Variants in PAH observed in about 807,000 individuals in gnomAD.
The protein encoded by PAH is phenylalanine-4-hydroxylase.
In PAH, 64 loss-of-function variants were observed where a neutral mutation model predicts 62.0. That is an observed-to-expected ratio of 1.03 (90% CI 0.84 to 1.27). The LOEUF is 1.27. Among genes scored for constraint, PAH ranks in the 50% most tolerant of loss-of-function variants. The probability of loss-of-function intolerance (pLI) is 0.00; values close to 1 mark genes in which losing one functional copy is unlikely to be tolerated. For synonymous variants in PAH, 195 were observed against 196.2 expected (o/e 0.99, Z 0.05); for missense variants, 579 against 542.8 (o/e 1.07, Z -0.66).
intron 4 of PAH, among the ~76,000 whole-genome samples, chr12:102,875,335 A>G (rs143075611): frequency 3.9e-4 from 60 of 152,326 alleles, no homozygotes; most frequent in African/African-American, 1.3e-3. Context: ...ATCTCTTTGC[A>G]TTGGAGTCTT....
chr12:102,846,289 C>T (rs12425434), intron 9 of PAH, among the ~76,000 whole-genome samples: 34,951 of 152,146 alleles, frequency 0.23, 5,126 homozygotes, highest in East Asian at 0.75. Context: ...TGGCAGTCCA[C>T]AATTCAATTA....
At chr12:102,842,421 A>G (rs1260975162) in intron 11 of PAH, among the ~76,000 whole-genome samples, 1 of 152,310 alleles carries the variant, frequency 6.6e-6, no homozygotes, top group East Asian at 1.9e-4. Flanking sequence ...TAATTATCTA[A>G]AGATAGTAGA....
intron 2 of PAH, among the ~76,000 whole-genome samples, chr12:102,911,337 C>A (rs1016949924): frequency 6.6e-6 from 1 of 152,156 alleles, no homozygotes; most frequent in African/African-American, 2.4e-5. Context: ...TTTTGCACTG[C>A]GCCCTGCAAA....
rs1593011638 is a variant in PAH, at chr12:102,957,572, C to T, written c.-96+623G>A. 1 of 137,448 alleles carries T rather than the reference C, an allele frequency of 7.3e-6. No individual in the cohort carries two copies. Among genetic ancestry groups the T allele is most frequent in the Non-Finnish European group, 1.6e-5 (1 of 63,352 alleles). 8.5% of individuals were successfully genotyped at this position (137,448 alleles called of 1,614,324 possible). The stretch of plus-strand genomic sequence containing the variant: ...AGAGGAGGGGGGGGAGTGGGGGCTG[C>T]AGCCGCTCGCTGCAGCAGCGGGGAG... On this transcript the variant is annotated intron_variant, in intron 1 of 4. Coordinates refer to the PAH transcript ENST00000551337. This position sits in a 1 kb window ranked among gnomAD's most constrained non-coding sequence, Gnocchi z 4.1.
rs1302814664 is a variant in PAH at position 102,957,262 on chromosome 12, A to C, written c.-96+933T>G. Among the ~76,000 whole-genome samples, 1 of 152,134 alleles carries C rather than the reference A, an allele frequency of 6.6e-6. No individual in the cohort carries two copies. ...TTGCTTCAAGTTCTTAGTAGAATCC[A>C]AGAGAGCTTCACCCCAAGTCTTTCC... On this transcript the variant is annotated intron_variant, in intron 1 of 4. Coordinates refer to the PAH transcript ENST00000551337. The surrounding 1 kb of genome is among the most constrained non-coding windows in gnomAD (Gnocchi z 4.1).
chr12:102,871,087 T>G (rs553875652), intron 4 of PAH, among the ~76,000 whole-genome samples: 1 of 152,344 alleles, frequency 6.6e-6, no homozygotes, highest in East Asian at 1.9e-4. Context: ...CTGACTATTG[T>G]AGCTGCTGGG....
chr12:102,912,711 C>CTTTTCATTGCA (rs1878246673), intron 2 of PAH, 80 bp downstream of exon 2: 1 of 1,020,478 alleles, frequency 9.8e-7, no homozygotes, highest in African/African-American at 1.6e-5. Flanking sequence ...ATCCTGTGTT[C>CTTTTCATTGCA]TTTTCATTGC....
At chr12:102,850,506 T>C (rs1365323015) in intron 8 of PAH, among the ~76,000 whole-genome samples, 4 of 152,178 alleles carry the variant, frequency 2.6e-5, no homozygotes, top group Non-Finnish European at 5.9e-5. Context: ...GAAATCCCAA[T>C]ACTTGGCTCA....
exon 1 of PAH, chr12:102,950,634 A>G (rs1450715410): frequency 6.6e-6 from 1 of 152,312 alleles, no homozygotes; most frequent in Non-Finnish European, 1.5e-5. Flanking sequence ...AGGCGGCAGG[A>G]ACGTTTCAGG....
intron 1 of PAH, among the ~76,000 whole-genome samples, chr12:102,935,468 G>T (rs1252208853): frequency 1.3e-5 from 2 of 151,944 alleles, no homozygotes; most frequent in Non-Finnish European, 2.9e-5. Flanking sequence ...GAGTAGTATT[G>T]GTATTATCTC....
upstream of PAH, chr12:102,953,189 C>T (rs570208304): frequency 6.6e-6 from 1 of 152,122 alleles, no homozygotes; most frequent in Admixed American, 6.5e-5. Flanking sequence ...CTCAAGTCAC[C>T]CCCAAATTGA....
intron 2 of PAH, among the ~76,000 whole-genome samples, chr12:102,908,465 G>A (rs1385420007): frequency 6.6e-6 from 1 of 152,108 alleles, no homozygotes. Context: ...TCTTTCTCAT[G>A]GACAGTTTGT....
chr12:102,868,126 G>GTGTA (rs1334596674), intron 4 of PAH, among the ~76,000 whole-genome samples: 2 of 6,430 alleles, frequency 3.1e-4, no homozygotes, highest in East Asian at 4.7e-3. Context: ...ACATATATGT[G>GTGTA]TATATATATA....
At chr12:102,897,710 C>T (rs761130289) in intron 2 of PAH, among the ~76,000 whole-genome samples, 1 of 152,060 alleles carries the variant, frequency 6.6e-6, no homozygotes, top group Non-Finnish European at 1.5e-5. Context: ...TCTCAAATGT[C>T]CCTAATTGTA....
At chr12:102,890,702 G>A (rs147339440) in intron 3 of PAH, among the ~76,000 whole-genome samples, 4 of 152,322 alleles carry the variant, frequency 2.6e-5, no homozygotes, top group South Asian at 4.1e-4. Flanking sequence ...GCAAGAAAGC[G>A]AGAAGCCCCA....
intron 1 of PAH, among the ~76,000 whole-genome samples, chr12:102,930,601 C>T (rs76273761): frequency 6.6e-6 from 1 of 152,160 alleles, no homozygotes; most frequent in Admixed American, 6.5e-5. Context: ...TGCTGGCTGT[C>T]TAGGTGTAAG....
intron 3 of PAH, among the ~76,000 whole-genome samples, chr12:102,880,696 G>A (rs964929874): frequency 2.0e-5 from 3 of 152,104 alleles, no homozygotes; most frequent in African/African-American, 7.2e-5. Context: ...GCATTGTGGG[G>A]TGCATACAAG....
intron 1 of PAH, chr12:102,916,529 T>A (rs183849616): frequency 6.1e-6 from 1 of 164,946 alleles, no homozygotes; most frequent in Non-Finnish European, 1.3e-5. Context: ...CTTGGTCATT[T>A]TCCTCTCTGC....
intron 6 of PAH, among the ~76,000 whole-genome samples, chr12:102,854,415 C>G (rs1411263694): frequency 6.6e-6 from 1 of 152,220 alleles, no homozygotes; most frequent in African/African-American, 2.4e-5. Flanking sequence ...AATTAACATC[C>G]TCTTGACAGA....
Sources: allele counts gnomAD v4.1 joint callset (sites outside exome capture counted in the v4.1 genomes callset), GRCh38; gene constraint gnomAD v4.1.1; non-coding constraint Gnocchi (gnomAD v3.1); transcripts MANE v1.5; gene names NCBI Gene and HGNC (gene_info 2026-07-23, HGNC 2026-07-21).